NAV3: variants seen among roughly 807,000 people sequenced by gnomAD.
The protein encoded by NAV3 is pore membrane and/or filament interacting like protein 1.
A neutral mutation model predicts 244.7 loss-of-function variants in NAV3; 87 were observed. That is an observed-to-expected ratio of 0.36 (90% CI 0.30 to 0.42). The LOEUF (loss-of-function observed/expected upper bound fraction) is 0.42. Ranked by LOEUF, NAV3 falls within the 20% of genes least tolerant of loss-of-function variation. The pLI is 1.00. For missense variants in NAV3, 2,663 were observed against 2,893.3 expected, an observed-to-expected ratio of 0.92 and a Z score of 1.83; for synonymous variants, 1,126 against 1,042.2, an observed-to-expected ratio of 1.08 and a Z score of -1.55.
At chr12:77,888,078 A>G (rs1883503589) in intron 1 of NAV3, among the ~76,000 whole-genome samples, 1 of 150,952 alleles carries the variant, frequency 6.6e-6, no homozygotes, top group South Asian at 2.1e-4. Flanking sequence ...GGTTCCTTAA[A>G]TGAGGAATAT....
At chr12:77,867,521 G>A (rs1396813346) in intron 1 of NAV3, among the ~76,000 whole-genome samples, 2 of 152,084 alleles carry the variant, frequency 1.3e-5, no homozygotes, top group Non-Finnish European at 1.5e-5. Context: ...CCAGGTTCAT[G>A]CCATTCTCCT....
intron 2 of NAV3, among the ~76,000 whole-genome samples, chr12:77,662,357 C>G (rs764562521): frequency 1.3e-5 from 2 of 151,872 alleles, no homozygotes; most frequent in Non-Finnish European, 2.9e-5. Context: ...TTATTCTGAA[C>G]TATTTTACCC....
chr12:77,784,054 T>C (rs1870793087), intron 2 of NAV3, among the ~76,000 whole-genome samples: 1 of 152,158 alleles, frequency 6.6e-6, no homozygotes, highest in South Asian at 2.1e-4. Context: ...CTTCAGTTTT[T>C]TCATCAATAA....
chr12:77,696,355 A>C (rs1875299423), intron 2 of NAV3, among the ~76,000 whole-genome samples: 1 of 152,122 alleles, frequency 6.6e-6, no homozygotes, highest in Non-Finnish European at 1.5e-5. Context: ...TATGTTGGAG[A>C]GACTCATGTG....
At chr12:78,166,433 A>AGAC (rs1488615090) in intron 23 of NAV3, among the ~76,000 whole-genome samples, 2 of 151,556 alleles carry the variant, frequency 1.3e-5, no homozygotes, top group African/African-American at 4.8e-5. Flanking sequence ...TTTTAATCAA[A>AGAC]GACTATGGAA....
chr12:77,718,120 C>T (rs12814342), intron 2 of NAV3, among the ~76,000 whole-genome samples: 1 of 151,990 alleles, frequency 6.6e-6, no homozygotes, highest in Admixed American at 6.6e-5. Flanking sequence ...GTATCTTATG[C>T]TTTTTGTGTC....
At chr12:78,104,046 T>C (rs1954676805) in intron 12 of NAV3, among the ~76,000 whole-genome samples, 1 of 152,202 alleles carries the variant, frequency 6.6e-6, no homozygotes. Flanking sequence ...TTCTTATGAT[T>C]GTAGTTGAAT....
rs1015947618 is a variant in NAV3, at chr12:78,056,442, A to G, written c.2517-2554A>G. 3 of 152,386 alleles carry G rather than the reference A, an allele frequency of 2.0e-5. No individual in the cohort carries two copies. The East Asian group carries it at 5.8e-4, about 29-fold the overall frequency. The allele number at this position is 152,386 out of a possible 1,614,324, so 9.4% of individuals were successfully genotyped here. ...AAGAAAAGGGGGCTTAGAAGTATTT[A>G]TGCTGGCCGGGTATGGTGGCTCATG... On this transcript the variant is annotated intron_variant, in intron 11 of 39. Coordinates refer to ENST00000397909, the MANE Select transcript of NAV3 (RefSeq NM_001024383.2).
chr12:77,578,144 C>T lies in NAV3; in HGVS notation c.72+5878C>T, dbSNP rs376177554. ...CATATAATTTTTTACAGTATGACTG[C>T]AAAGTTGAAAAAATCAACATATTTG... On this transcript the variant is annotated intron_variant, in intron 2 of 8. Transcript: ENST00000550042. Among the ~76,000 whole-genome samples, 5 of 152,230 alleles carry T rather than the reference C, an allele frequency of 3.3e-5. No individual in the cohort carries two copies. The East Asian group carries it at 7.7e-4, about 23-fold the overall frequency.
At chr12:78,144,290 G>A (rs193074452) in intron 20 of NAV3, among the ~76,000 whole-genome samples, 39 of 151,980 alleles carry the variant, frequency 2.6e-4, no homozygotes, top group African/African-American at 8.9e-4. Flanking sequence ...TGGATAAATG[G>A]CCACTTATTG....
At chr12:77,960,090 GT>G (rs1382018771) in intron 3 of NAV3, among the ~76,000 whole-genome samples, 1 of 151,812 alleles carries the variant, frequency 6.6e-6, no homozygotes, top group Non-Finnish European at 1.5e-5. Flanking sequence ...GGTCCTGGGG[GT>G]AGGAGGGTAA....
chr12:77,707,847 G>T (rs1221894335), intron 2 of NAV3, among the ~76,000 whole-genome samples: 1 of 152,190 alleles, frequency 6.6e-6, no homozygotes, highest in Non-Finnish European at 1.5e-5. Context: ...TCTGTTGGCT[G>T]CATAAATGAC....
intron 2 of NAV3, among the ~76,000 whole-genome samples, chr12:77,794,040 T>C (rs926077180): frequency 2.0e-5 from 3 of 152,212 alleles, no homozygotes; most frequent in African/African-American, 7.2e-5. Context: ...ATGGATCTCA[T>C]TGTGGTTTTG....
At chr12:78,072,054 A>G (rs1206269172) in intron 12 of NAV3, among the ~76,000 whole-genome samples, 1 of 152,214 alleles carries the variant, frequency 6.6e-6, no homozygotes, top group African/African-American at 2.4e-5. Context: ...TGGGAAATTT[A>G]TAGCACTAAA....
At chr12:78,063,344 T>A (rs936620703) in intron 12 of NAV3, among the ~76,000 whole-genome samples, 2 of 152,318 alleles carry the variant, frequency 1.3e-5, no homozygotes, top group East Asian at 1.9e-4. Context: ...AGCTGGCAGT[T>A]AAATATGTGG....
intron 9 of NAV3, among the ~76,000 whole-genome samples, chr12:78,045,421 G>A (rs893324651): frequency 2.0e-5 from 3 of 151,950 alleles, no homozygotes; most frequent in East Asian, 3.9e-4. Flanking sequence ...TCAGCCTCCC[G>A]AGTAGCTGGG....
intron 7 of NAV3, among the ~76,000 whole-genome samples, chr12:78,001,251 T>G (rs1263749117): frequency 1.3e-5 from 2 of 152,172 alleles, no homozygotes; most frequent in African/African-American, 4.8e-5. Context: ...ATTATTATTC[T>G]AATTGCTTTT....
chr12:78,041,583 C>G (rs1337245562), intron 9 of NAV3, among the ~76,000 whole-genome samples: 1 of 152,146 alleles, frequency 6.6e-6, no homozygotes, highest in Non-Finnish European at 1.5e-5. Flanking sequence ...TACATTTTGA[C>G]CTGCTACTGG....
intron 7 of NAV3, among the ~76,000 whole-genome samples, chr12:78,005,826 C>A (rs914654239): frequency 2.0e-5 from 3 of 152,084 alleles, no homozygotes; most frequent in African/African-American, 4.8e-5. Flanking sequence ...AGTTAGAGAA[C>A]CTTCAATAAA....
Sources: gnomAD v4.1 joint callset for allele counts (sites outside exome capture counted in the v4.1 genomes callset) on GRCh38, gnomAD v4.1.1 for gene constraint, MANE v1.5 for transcripts, NCBI Gene and HGNC (gene_info 2026-07-23, HGNC 2026-07-21) for gene names.